PRKG1: variants seen among roughly 807,000 people sequenced by gnomAD.
The protein encoded by PRKG1 is protein kinase cGMP-dependent 1, also known as cGMP-dependent protein kinase 1.
A neutral mutation model predicts 88.1 loss-of-function variants in PRKG1; 35 were observed. The observed-to-expected ratio is 0.40, with a 90% CI of 0.30 to 0.53. PRKG1 has a LOEUF of 0.53. Ranked by LOEUF, PRKG1 falls within the 20% of genes least tolerant of loss-of-function variation. The pLI is 0.59. For missense variants in PRKG1, 540 were observed against 839.8 expected, an observed-to-expected ratio of 0.64 and a Z score of 4.41; for synonymous variants, 303 against 292.5, an observed-to-expected ratio of 1.04 and a Z score of -0.37.
At chr10:51,472,522 T>G (rs1840074449) in intron 3 of PRKG1, among the ~76,000 whole-genome samples, 1 of 151,922 alleles carries the variant, frequency 6.6e-6, no homozygotes, top group African/African-American at 2.4e-5. Flanking sequence ...GAATGCCAAT[T>G]TTTACTGTTA....
At chr10:52,145,023 A>G (rs924990390) in intron 8 of PRKG1, among the ~76,000 whole-genome samples, 1 of 152,192 alleles carries the variant, frequency 6.6e-6, no homozygotes, top group Non-Finnish European at 1.5e-5. Context: ...TGGCTGATTC[A>G]GTTACGGATA....
At chr10:51,096,269 C>T (rs1455505025) in intron 1 of PRKG1, among the ~76,000 whole-genome samples, 1 of 152,118 alleles carries the variant, frequency 6.6e-6, no homozygotes, top group African/African-American at 2.4e-5. Context: ...CCTTATCCCA[C>T]ATTTGTCTGG....
chr10:51,245,337 A>G (rs1002974170), intron 2 of PRKG1, among the ~76,000 whole-genome samples: 4 of 152,110 alleles, frequency 2.6e-5, no homozygotes, highest in Non-Finnish European at 4.4e-5. Context: ...AGCAGCCAGC[A>G]AAGTGCCAAT....
At chr10:51,232,646 T>C (rs996118288) in intron 2 of PRKG1, among the ~76,000 whole-genome samples, 1 of 152,138 alleles carries the variant, frequency 6.6e-6, no homozygotes, top group Non-Finnish European at 1.5e-5. Context: ...GGTACCTCAG[T>C]GCAATGGAAA....
chr10:52,272,303 T>C, intron 11 of PRKG1, 89 bp from the exon 12 acceptor site: 1 of 1,015,374 alleles, frequency 9.8e-7, no homozygotes, highest in Non-Finnish European at 1.4e-6. Context: ...GCTTGGCAAA[T>C]CAAAACTATA....
In PRKG1 at chr10:51,939,878, T is replaced by A. The variant is rs574956782; in HGVS notation, c.762+32308T>A. Among the ~76,000 whole-genome samples the A allele has an allele frequency of 2.5e-3, 377 of 152,092 alleles. 2 individuals carry two copies. Among genetic ancestry groups the A allele is most frequent in the Admixed American group, 2.9e-3 (45 of 15,266 alleles). ...ATGCTGATGAGTGATCCTGTTTACA[T>A]TCTCTTAGTTATTCCTATAGGTGAC... On this transcript the variant is annotated intron_variant, in intron 5 of 17. Coordinates refer to ENST00000373980, the MANE Select transcript of PRKG1 (RefSeq NM_006258.4).
chr10:51,221,514 T>C (rs188733644), intron 2 of PRKG1, among the ~76,000 whole-genome samples: 1 of 152,122 alleles, frequency 6.6e-6, no homozygotes, highest in South Asian at 2.1e-4. Flanking sequence ...AATTTTACAA[T>C]GTTTGTAAAT....
chr10:51,161,810 T>G (rs1846371008), intron 2 of PRKG1, among the ~76,000 whole-genome samples: 1 of 152,240 alleles, frequency 6.6e-6, no homozygotes, highest in South Asian at 2.1e-4. Context: ...AAAGTGTATT[T>G]TTTTGGTAAA....
At chr10:51,903,081 G>A (rs917462543) in intron 4 of PRKG1, among the ~76,000 whole-genome samples, 2 of 151,888 alleles carry the variant, frequency 1.3e-5, no homozygotes, top group African/African-American at 4.8e-5. Context: ...CATGTAATAG[G>A]TTAACATAAA....
chr10:51,151,038 T>C (rs1297762257), intron 1 of PRKG1, among the ~76,000 whole-genome samples: 1 of 151,668 alleles, frequency 6.6e-6, no homozygotes, highest in African/African-American at 2.4e-5. Context: ...AAGGATAATG[T>C]GTCATCTGTA....
chr10:51,937,441 T>A (rs1842819943), intron 5 of PRKG1, among the ~76,000 whole-genome samples: 1 of 152,042 alleles, frequency 6.6e-6, no homozygotes, highest in African/African-American at 2.4e-5. Flanking sequence ...AGAAAGAGCA[T>A]ATTGAAACAG....
chr10:51,676,079 G>T (rs58853200), intron 3 of PRKG1, among the ~76,000 whole-genome samples: 1 of 151,620 alleles, frequency 6.6e-6, no homozygotes, highest in African/African-American at 2.4e-5. Flanking sequence ...GGACCAGCCT[G>T]GGCAAAATAG....
chr10:51,864,662 G>A (rs1322814291), intron 4 of PRKG1, among the ~76,000 whole-genome samples: 1 of 152,162 alleles, frequency 6.6e-6, no homozygotes, highest in Non-Finnish European at 1.5e-5. Flanking sequence ...TTTACAGTAG[G>A]TTGGGTATTA....
intron 7 of PRKG1, among the ~76,000 whole-genome samples, chr10:52,116,021 GA>G (rs964796359): frequency 2.0e-5 from 3 of 151,806 alleles, no homozygotes; most frequent in South Asian, 2.1e-4. Context: ...TTTATAGACA[GA>G]AAAAAAAGAG....
intron 3 of PRKG1, among the ~76,000 whole-genome samples, chr10:51,706,759 C>T (rs1453329085): frequency 6.6e-6 from 1 of 152,058 alleles, no homozygotes; most frequent in Non-Finnish European, 1.5e-5. Flanking sequence ...AATTTTGTGG[C>T]ATTGTACAAA....
chr10:51,140,606 A>G (rs1400183000), intron 1 of PRKG1, among the ~76,000 whole-genome samples: 1 of 152,216 alleles, frequency 6.6e-6, no homozygotes, highest in Non-Finnish European at 1.5e-5. Flanking sequence ...AAAATGCCTA[A>G]AATGAAAATA....
intron 5 of PRKG1, among the ~76,000 whole-genome samples, chr10:51,959,281 GAGA>G (rs1843388792): frequency 6.6e-6 from 1 of 152,116 alleles, no homozygotes; most frequent in Non-Finnish European, 1.5e-5. Flanking sequence ...ACGATAATTG[GAGA>G]AGATTTTGTA....
At position 51,849,015 on chromosome 10, in the gene PRKG1, G is replaced by C. The variant is rs144644496; in HGVS notation, c.698+44325G>C. On this transcript the variant is annotated intron_variant, in intron 4 of 17. Coordinates refer to ENST00000373980, the MANE Select transcript of PRKG1 (RefSeq NM_006258.4). ...ACTACAAAATCATAGTTTAGGTCCT[G>C]TATTTTGTAGTATTTATAGCACTAA... 6.9e-3 allele frequency among the ~76,000 whole-genome samples: 1,046 copies of C among 152,126 alleles called. 10 individuals carry two copies. Among genetic ancestry groups the C allele is most frequent in the African/African-American group, 0.024 (1,002 of 41,508 alleles).
chr10:51,097,521 G>A (rs564446795), intron 1 of PRKG1, among the ~76,000 whole-genome samples: 2 of 152,236 alleles, frequency 1.3e-5, no homozygotes, highest in African/African-American at 4.8e-5. Context: ...ACCACACTCT[G>A]CCTTTTTTTT....
Sources: allele counts gnomAD v4.1 joint callset (sites outside exome capture counted in the v4.1 genomes callset), GRCh38; gene constraint gnomAD v4.1.1; transcripts MANE v1.5; gene names NCBI Gene and HGNC (gene_info 2026-07-23, HGNC 2026-07-21).